The following ELL2 variants were observed in gnomAD, a reference collection of about 807,000 sequenced individuals.
The protein encoded by ELL2 is RNA polymerase II elongation factor ELL2.
A neutral mutation model predicts 72.8 loss-of-function variants in ELL2; 21 were observed. That is an observed-to-expected ratio of 0.29 (90% CI 0.20 to 0.42). The LOEUF (loss-of-function observed/expected upper bound fraction) is 0.42, where lower values mean the gene tolerates loss of function less well. Among genes scored for constraint, ELL2 ranks in the 10% least tolerant of loss-of-function variants. ELL2 has a pLI of 1.00. For synonymous variants in ELL2, 266 were observed against 283.2 expected, an observed-to-expected ratio of 0.94 and a Z score of 0.61; for missense variants, 568 against 772.8, an observed-to-expected ratio of 0.73 and a Z score of 3.14.
intron 2 of ELL2, among the ~76,000 whole-genome samples, chr5:95,927,040 C>T (rs1402184225): frequency 2.6e-5 from 4 of 152,020 alleles, no homozygotes; most frequent in Admixed American, 1.3e-4. Context: ...TTAATTGATT[C>T]TTTCATTTAA....
At chr5:95,930,212 T>C (rs568717450) in intron 2 of ELL2, among the ~76,000 whole-genome samples, 1 of 152,328 alleles carries the variant, frequency 6.6e-6, no homozygotes, top group African/African-American at 2.4e-5. Context: ...TAAATATGAA[T>C]CGCAACTTCC....
chr5:95,905,633 A>G lies in ELL2; in HGVS notation c.741+890T>C, dbSNP rs139277732. Among the ~76,000 whole-genome samples, 591 of 152,284 alleles carry G rather than the reference A, an allele frequency of 3.9e-3. 5 individuals carry two copies. The highest frequency in any genetic ancestry group is 0.013 in the African/African-American group (559 of 41,564). On this transcript the variant is annotated intron_variant, in intron 5 of 11. Coordinates refer to ENST00000237853, the MANE Select transcript of ELL2 (RefSeq NM_012081.6). ...GGGGACTGGCTAACCTGAATTGGAG[A>G]CAATGGTCTTACCCTTTCATAACAT...
chr5:95,905,596 T>C (rs1749324559), intron 5 of ELL2, among the ~76,000 whole-genome samples: 2 of 152,216 alleles, frequency 1.3e-5, no homozygotes, highest in South Asian at 2.1e-4. Flanking sequence ...TTAAGATTGA[T>C]TGAGATACCT....
At chr5:95,915,162 G>A (rs1451437297) in intron 3 of ELL2, among the ~76,000 whole-genome samples, 2 of 152,190 alleles carry the variant, frequency 1.3e-5, no homozygotes, top group Non-Finnish European at 2.9e-5. Context: ...GAGTGCAGTG[G>A]TGCAATCTTG....
chr5:95,891,825 T>C (rs1748675923), intron 9 of ELL2, among the ~76,000 whole-genome samples: 1 of 152,230 alleles, frequency 6.6e-6, no homozygotes, highest in African/African-American at 2.4e-5. Flanking sequence ...CCTCTATCCC[T>C]TTCCTCATAT....
chr5:95,891,659 A>G (rs1443103792), intron 9 of ELL2, among the ~76,000 whole-genome samples: 2 of 152,252 alleles, frequency 1.3e-5, no homozygotes, highest in African/African-American at 4.8e-5. Flanking sequence ...GAAGGACTCA[A>G]TGGGTAATGT....
At chr5:95,961,522 G>T (rs1751853248) in intron 1 of ELL2, 53 bp downstream of exon 1, 12 of 1,469,550 alleles carry the variant, frequency 8.2e-6, no homozygotes, top group Non-Finnish European at 9.0e-6. Context: ...CGGCCAGGCC[G>T]TGAGGGGTGC....
chr5:95,898,953 C>T (rs973744994), intron 7 of ELL2, 143 bp from the exon 8 acceptor site: 6 of 559,460 alleles, frequency 1.1e-5, no homozygotes, highest in East Asian at 3.5e-5. Flanking sequence ...TTTCTTCATG[C>T]TTAAGCAAAA....
intron 2 of ELL2, among the ~76,000 whole-genome samples, chr5:95,932,037 T>C (rs1750621235): frequency 6.6e-6 from 1 of 151,258 alleles, no homozygotes; most frequent in African/African-American, 2.4e-5. Context: ...ACATATAGTA[T>C]TTTAATTTTT....
intron 2 of ELL2, among the ~76,000 whole-genome samples, chr5:95,924,247 C>T (rs1750205629): frequency 6.6e-6 from 1 of 152,076 alleles, no homozygotes; most frequent in Non-Finnish European, 1.5e-5. Context: ...TTCTTTTTTC[C>T]AAAATGGTTA....
chr5:95,924,794 T>C (rs933312465), intron 2 of ELL2, among the ~76,000 whole-genome samples: 2 of 152,202 alleles, frequency 1.3e-5, no homozygotes, highest in East Asian at 3.8e-4. Context: ...TTCAGACATT[T>C]ATAATTAGCA....
chr5:95,932,631 C>A (rs1011342087), intron 2 of ELL2: 2 of 152,146 alleles, frequency 1.3e-5, no homozygotes, highest in African/African-American at 4.8e-5. Flanking sequence ...CAATAACTCA[C>A]AGCATTGCTC....
At chr5:95,892,464 T>C (rs1748704124) in intron 9 of ELL2, among the ~76,000 whole-genome samples, 1 of 152,182 alleles carries the variant, frequency 6.6e-6, no homozygotes, top group South Asian at 2.1e-4. Context: ...TATTACAGTA[T>C]TACTTATTTG....
At chr5:95,929,261 A>ATT (rs397884318) in intron 2 of ELL2, among the ~76,000 whole-genome samples, 79 of 141,118 alleles carry the variant, frequency 5.6e-4, no homozygotes, top group African/African-American at 1.4e-3. Flanking sequence ...GGTCTTCCTC[A>ATT]TTTTTTTTTT....
intron 1 of ELL2, among the ~76,000 whole-genome samples, chr5:95,957,821 AC>A (rs1401053829): frequency 6.6e-6 from 1 of 152,226 alleles, no homozygotes; most frequent in East Asian, 1.9e-4. Context: ...GTTTCCACAA[AC>A]CCTTAGAACG....
chr5:95,944,168 T>C (rs1284469890), intron 1 of ELL2, among the ~76,000 whole-genome samples: 2 of 152,202 alleles, frequency 1.3e-5, no homozygotes, highest in Non-Finnish European at 2.9e-5. Context: ...CTTAAAAGTT[T>C]ACTAATAGGG....
intron 2 of ELL2, among the ~76,000 whole-genome samples, chr5:95,923,004 T>C (rs1308409077): frequency 5.3e-5 from 8 of 152,172 alleles, no homozygotes; most frequent in Admixed American, 5.2e-4. Flanking sequence ...GCACAGGACA[T>C]TCCCTCCAAT....
chr5:95,898,138 A>G (rs929309661), intron 8 of ELL2, 102 bp downstream of exon 8: 56 of 1,038,810 alleles, frequency 5.4e-5, no homozygotes, highest in Admixed American at 1.7e-4. Context: ...TAAGATTAAT[A>G]ATTAAATGAA....
chr5:95,932,804 G>GT (rs1256728065), intron 2 of ELL2: 1 of 152,068 alleles, frequency 6.6e-6, no homozygotes, highest in Non-Finnish European at 1.5e-5. Context: ...AATACAGTAT[G>GT]TAAAAAGTTA....
Sources: gnomAD v4.1 joint callset for allele counts (sites outside exome capture counted in the v4.1 genomes callset) on GRCh38, gnomAD v4.1.1 for gene constraint, MANE v1.5 for transcripts, NCBI Gene and HGNC (gene_info 2026-07-23, HGNC 2026-07-21) for gene names.